Variants in DLGAP1 observed in about 807,000 individuals in gnomAD.
DLGAP1 encodes the protein disks large-associated protein 1.
In DLGAP1, 11 loss-of-function variants were observed where a neutral mutation model predicts 90.8. The ratio of observed to expected loss-of-function variants is 0.12; its 90% CI spans 0.08 to 0.20. DLGAP1 has a LOEUF of 0.20. Among genes scored for constraint, DLGAP1 ranks in the 10% least tolerant of loss-of-function variants. The probability of loss-of-function intolerance (pLI) is 1.00; values close to 1 mark genes in which losing one functional copy is unlikely to be tolerated. For synonymous variants in DLGAP1, 558 were observed against 540.7 expected, an observed-to-expected ratio of 1.03 and a Z score of -0.44; for missense variants, 1,050 against 1,333.8, an observed-to-expected ratio of 0.79 and a Z score of 3.31.
At chr18:3,541,471 G>A (rs903751450) in intron 9 of DLGAP1, among the ~76,000 whole-genome samples, 2 of 152,162 alleles carry the variant, frequency 1.3e-5, no homozygotes, top group Non-Finnish European at 2.9e-5. Flanking sequence ...CTTTTCAAGT[G>A]CAATTTCAAG....
At chr18:3,987,730 T>C (rs1204101296) in intron 3 of DLGAP1, among the ~76,000 whole-genome samples, 3 of 152,234 alleles carry the variant, frequency 2.0e-5, no homozygotes, top group Non-Finnish European at 4.4e-5. Flanking sequence ...ATATTGTCTT[T>C]CTTATATGCT....
intron 7 of DLGAP1, among the ~76,000 whole-genome samples, chr18:3,693,772 G>C (rs168206): frequency 1.3e-5 from 2 of 152,046 alleles, no homozygotes; most frequent in Non-Finnish European, 2.9e-5. Flanking sequence ...AGGGAATCCA[G>C]ATTGGGCTAG....
At chr18:3,737,099 T>C (rs2062677190) in intron 6 of DLGAP1, among the ~76,000 whole-genome samples, 3 of 146,244 alleles carry the variant, frequency 2.1e-5, no homozygotes, top group African/African-American at 7.6e-5. Context: ...AATAGACCAA[T>C]AACAGGATCT....
chr18:3,801,838 AT>A (rs2066308308), intron 5 of DLGAP1, among the ~76,000 whole-genome samples: 1 of 152,246 alleles, frequency 6.6e-6, no homozygotes, highest in Non-Finnish European at 1.5e-5. Flanking sequence ...GACTGCTGAG[AT>A]GTTAGAAGAT....
intron 1 of DLGAP1, among the ~76,000 whole-genome samples, chr18:4,270,492 T>C (rs932084598): frequency 1.3e-5 from 2 of 152,216 alleles, no homozygotes; most frequent in Non-Finnish European, 2.9e-5. Flanking sequence ...AATAATTAAT[T>C]TAGTGATAAC....
intron 1 of DLGAP1, among the ~76,000 whole-genome samples, chr18:4,262,537 T>C (rs571473440): frequency 1.3e-5 from 2 of 152,348 alleles, no homozygotes; most frequent in South Asian, 4.1e-4. Context: ...TGTTAGCATT[T>C]AATTACTTGC....
chr18:4,316,258 T>C (rs1057398728), intron 1 of DLGAP1, among the ~76,000 whole-genome samples: 1 of 152,162 alleles, frequency 6.6e-6, no homozygotes, highest in African/African-American at 2.4e-5. Context: ...AAAGTAATAA[T>C]GACAGTAACC....
Position 3,671,568 on chromosome 18 carries a change from A to G in DLGAP1, c.1591+57567T>C, listed in dbSNP as rs553608101. Among the ~76,000 whole-genome samples, 10 of 152,314 alleles carry G rather than the reference A, an allele frequency of 6.6e-5. No homozygotes were observed. The South Asian group carries it at 2.1e-3, about 32-fold the overall frequency. ...TGGCTGCACTTGAGCAGAAATGTCAACCATGCCACAAGAGGTTGATTATTT... is the reference window on the plus strand; with the variant it reads ...TGGCTGCACTTGAGCAGAAATGTCAGCCATGCCACAAGAGGTTGATTATTT... On this transcript the variant is annotated intron_variant, in intron 7 of 12. Transcript: ENST00000315677.
intron 4 of DLGAP1, among the ~76,000 whole-genome samples, chr18:3,864,966 C>T (rs2070299803): frequency 6.6e-6 from 1 of 151,968 alleles, no homozygotes. Context: ...ATCTCCCAAA[C>T]ACTTAGTTAA....
Position 3,879,281 on chromosome 18 carries a change from G to A in DLGAP1, c.788C>T (p.Ala263Val), listed in dbSNP as rs1439105723. 1.9e-6 allele frequency: 3 copies of A among 1,597,202 alleles called. No homozygotes were observed. Among genetic ancestry groups the A allele is most frequent in the African/African-American group, 1.3e-5 (1 of 74,554 alleles). ...SNNDVKCSTC[A>V]NLPVSLDTPL... ...GGTGTCCAGGCTGACCGGCAGGTTG[G>A]CGCAGGTGGAGCACTTGACGTCGTT... The change falls in exon 4 of 13, where the codon GCC (alanine) becomes GTC (valine). Residue 263 changes from alanine to valine, a missense_variant. By Grantham distance (64) the Ala-to-Val change is moderately conservative. Coordinates refer to ENST00000315677, the MANE Select transcript of DLGAP1 (RefSeq NM_004746.4). The surrounding 1 kb of genome is among the most constrained non-coding windows in gnomAD (Gnocchi z 6.6).
chr18:4,191,503 T>C (rs1481387214), intron 1 of DLGAP1, among the ~76,000 whole-genome samples: 1 of 152,204 alleles, frequency 6.6e-6, no homozygotes, highest in East Asian at 1.9e-4. Context: ...ATCTCTTTCA[T>C]GGGCAACTGT....
chr18:3,625,650 T>A (rs191345111), intron 7 of DLGAP1, among the ~76,000 whole-genome samples: 1 of 152,168 alleles, frequency 6.6e-6, no homozygotes, highest in Non-Finnish European at 1.5e-5. Context: ...ACCTTCATGA[T>A]TGCAATCTAA....
chr18:3,744,099 ATTAT>A (rs1159151231), intron 5 of DLGAP1, among the ~76,000 whole-genome samples: 1 of 152,246 alleles, frequency 6.6e-6, no homozygotes, highest in Non-Finnish European at 1.5e-5. Context: ...CATAGCCGCT[ATTAT>A]TTATCATCCT....
chr18:3,693,403 A>G lies in DLGAP1; in HGVS notation c.1591+35732T>C, dbSNP rs73368681. On this transcript the variant is annotated intron_variant, in intron 7 of 12. Coordinates refer to ENST00000315677, the MANE Select transcript of DLGAP1 (RefSeq NM_004746.4). ...CAGCCATAGTGTCTGGCCACAAACT[A>G]CATCTTCTAACATTTGATTTTCTCC... 8.2e-3 allele frequency among the ~76,000 whole-genome samples: 1,254 copies of G among 152,292 alleles called. 9 individuals are homozygous for G. The highest frequency in any genetic ancestry group is 0.024 in the Middle Eastern group (7 of 294).
intron 9 of DLGAP1, among the ~76,000 whole-genome samples, chr18:3,555,772 T>C (rs552304164): frequency 1.3e-5 from 2 of 152,152 alleles, no homozygotes; most frequent in South Asian, 2.1e-4. Context: ...ATCACACCAT[T>C]GGACTCTAGC....
In DLGAP1 at chr18:4,377,002, A is replaced by T. The variant is rs139307048; in HGVS notation, c.-267+78004T>A. On this transcript the variant is annotated intron_variant, in intron 1 of 12. Transcript: ENST00000315677. ...AAGTTTCTGACATCATAAATTCTGAATCCATCCAGTGATTGAATAGAAAGA... is the reference window on the plus strand; with the variant it reads ...AAGTTTCTGACATCATAAATTCTGATTCCATCCAGTGATTGAATAGAAAGA... 7.6e-3 allele frequency among the ~76,000 whole-genome samples: 1,154 copies of T among 152,256 alleles called. 69 individuals are homozygous for T. The highest frequency in any genetic ancestry group is 0.071 in the Admixed American group (1,083 of 15,276).
chr18:4,007,665 A>G (rs2074332107), intron 2 of DLGAP1, among the ~76,000 whole-genome samples: 1 of 151,976 alleles, frequency 6.6e-6, no homozygotes, highest in South Asian at 2.1e-4. Flanking sequence ...CAAACAAACA[A>G]ACAAACAAAC....
chr18:4,133,881 T>C (rs537016621), intron 2 of DLGAP1, among the ~76,000 whole-genome samples: 43 of 151,748 alleles, frequency 2.8e-4, no homozygotes, highest in East Asian at 1.9e-3. Context: ...AAGGCAGGGA[T>C]TTAAAAGGAC....
intron 1 of DLGAP1, among the ~76,000 whole-genome samples, chr18:4,155,854 A>C (rs1216835250): frequency 1.3e-5 from 2 of 152,008 alleles, no homozygotes; most frequent in Non-Finnish European, 2.9e-5. Context: ...ATGTTTCAAA[A>C]CCTCATCCTG....
Sources: gnomAD v4.1 joint callset for allele counts (sites outside exome capture counted in the v4.1 genomes callset) on GRCh38, gnomAD v4.1.1 for gene constraint, Gnocchi (gnomAD v3.1) non-coding constraint, MANE v1.5 for transcripts, NCBI Gene and HGNC (gene_info 2026-07-23, HGNC 2026-07-21) for gene names.